GPHN: variants seen among roughly 807,000 people sequenced by gnomAD.
The protein encoded by GPHN is gephyrin.
In GPHN, 17 loss-of-function variants were observed where a neutral mutation model predicts 95.5. The ratio of observed to expected loss-of-function variants is 0.18; its 90% CI spans 0.12 to 0.27. The LOEUF (loss-of-function observed/expected upper bound fraction) is 0.27, where lower values mean the gene tolerates loss of function less well. Among genes scored for constraint, GPHN ranks in the 10% least tolerant of loss-of-function variants. The pLI is 1.00. For synonymous variants in GPHN, 320 were observed against 322.5 expected (o/e 0.99, Z 0.08); for missense variants, 660 against 978.1 (o/e 0.67, Z 4.34).
chr14:67,671,412 G>A, the GPHN span, among the ~76,000 whole-genome samples: 3 of 152,068 alleles, frequency 2.0e-5, no homozygotes, highest in Non-Finnish European at 2.9e-5. Context: ...TGTAATCCCA[G>A]CTACTCGGAA....
chr14:66,999,172 A>G (rs1567196972), intron 9 of GPHN, among the ~76,000 whole-genome samples: 1 of 151,958 alleles, frequency 6.6e-6, no homozygotes, highest in Non-Finnish European at 1.5e-5. Context: ...TGTGACTAGC[A>G]TGTAGTAGTC....
intron 17 of GPHN, among the ~76,000 whole-genome samples, chr14:67,132,869 G>T (rs2079809670): frequency 6.6e-6 from 1 of 150,602 alleles, no homozygotes; most frequent in Admixed American, 6.6e-5. Context: ...ATAAATATAT[G>T]ATATATATTT....
the GPHN span, among the ~76,000 whole-genome samples, chr14:67,197,712 T>A: frequency 6.6e-6 from 1 of 152,140 alleles, no homozygotes; most frequent in Non-Finnish European, 1.5e-5. Context: ...GATTGGAGAA[T>A]CCTGCATGAT....
At chr14:67,224,259 CTTTT>C in the GPHN span, among the ~76,000 whole-genome samples, 2 of 134,796 alleles carry the variant, frequency 1.5e-5, no homozygotes, top group Admixed American at 1.5e-4. Context: ...TCTCTCTTTT[CTTTT>C]TTTTTTTTTT....
chr14:66,643,203 A>C (rs1210651028), intron 1 of GPHN, among the ~76,000 whole-genome samples: 2 of 152,130 alleles, frequency 1.3e-5, no homozygotes, highest in Non-Finnish European at 2.9e-5. Flanking sequence ...AACCACAGCA[A>C]AATATTTCTA....
At chr14:67,412,134 C>T in the GPHN span, 1 of 1,281,560 alleles carries the variant, frequency 7.8e-7, no homozygotes, top group Non-Finnish European at 1.0e-6. Flanking sequence ...CCGCGCAGCC[C>T]GCGCAGTCCG....
intron 2 of GPHN, among the ~76,000 whole-genome samples, chr14:66,740,993 G>T (rs903992322): frequency 6.6e-6 from 1 of 152,170 alleles, no homozygotes; most frequent in Non-Finnish European, 1.5e-5. Flanking sequence ...GCATCTCATG[G>T]CAGAAGGAAG....
At chr14:66,868,354 T>C (rs77037144) in intron 4 of GPHN, among the ~76,000 whole-genome samples, 2,379 of 152,274 alleles carry the variant, frequency 0.016, 33 homozygotes, top group Non-Finnish European at 0.018. Context: ...TCACTATGCA[T>C]GTAAAGTATT....
At chr14:67,599,042 T>G in the GPHN span, among the ~76,000 whole-genome samples, 2 of 152,240 alleles carry the variant, frequency 1.3e-5, no homozygotes, top group East Asian at 1.9e-4. Flanking sequence ...AGTTAGATAG[T>G]TTCCTGCAAT....
intron 1 of GPHN, among the ~76,000 whole-genome samples, chr14:66,626,120 C>G (rs959526661): frequency 1.3e-5 from 2 of 152,114 alleles, no homozygotes; most frequent in African/African-American, 4.8e-5. Context: ...TGTTAACTTT[C>G]AATTAATACC....
chr14:67,006,922 T>C (rs926823086), intron 9 of GPHN, among the ~76,000 whole-genome samples: 4 of 152,208 alleles, frequency 2.6e-5, no homozygotes, highest in African/African-American at 9.6e-5. Context: ...AATTGTCTTA[T>C]TATACAATTT....
chr14:66,732,255 C>T (rs1343770721), intron 2 of GPHN, among the ~76,000 whole-genome samples: 1 of 152,214 alleles, frequency 6.6e-6, no homozygotes, highest in African/African-American at 2.4e-5. Flanking sequence ...ACAACCAGTA[C>T]CATGAGCCTA....
chr14:67,506,420 G>A, the GPHN span, among the ~76,000 whole-genome samples: 1 of 152,104 alleles, frequency 6.6e-6, no homozygotes, highest in Admixed American at 6.6e-5. Context: ...ACATTCCAAT[G>A]AGTCATGTTT....
the GPHN span, among the ~76,000 whole-genome samples, chr14:67,408,143 G>A: frequency 4.0e-5 from 6 of 151,680 alleles, no homozygotes; most frequent in Admixed American, 1.3e-4. Flanking sequence ...AAAATTAACC[G>A]GGCGTGGTGG....
At chr14:66,774,784 C>T (rs2059322395) in intron 2 of GPHN, among the ~76,000 whole-genome samples, 1 of 152,156 alleles carries the variant, frequency 6.6e-6, no homozygotes, top group African/African-American at 2.4e-5. Context: ...GTACCATTAA[C>T]ATGTATCCAC....
At chr14:67,111,534 A>G (rs2078370327) in intron 14 of GPHN, among the ~76,000 whole-genome samples, 1 of 152,198 alleles carries the variant, frequency 6.6e-6, no homozygotes, top group Admixed American at 6.5e-5. Flanking sequence ...CCACCTACAT[A>G]TGTATATAAA....
chr14:67,182,308 G>C (rs1389306005), downstream of GPHN, among the ~76,000 whole-genome samples: 1 of 152,116 alleles, frequency 6.6e-6, no homozygotes, highest in Non-Finnish European at 1.5e-5. Context: ...ATCCACAATG[G>C]ATCCTTTAAT....
At chr14:66,637,510 A>G (rs2064165796) in intron 1 of GPHN, among the ~76,000 whole-genome samples, 2 of 152,148 alleles carry the variant, frequency 1.3e-5, no homozygotes, top group South Asian at 2.1e-4. Flanking sequence ...TACCTGCTTT[A>G]TTAAGTCTAA....
At chr14:66,727,913 A>C (rs1413824158) in intron 2 of GPHN, among the ~76,000 whole-genome samples, 1 of 152,218 alleles carries the variant, frequency 6.6e-6, no homozygotes, top group Non-Finnish European at 1.5e-5. Context: ...TCACCAGGGC[A>C]TGTAGGAGGT....
Sources: gnomAD v4.1 joint callset for allele counts (sites outside exome capture counted in the v4.1 genomes callset) on GRCh38, gnomAD v4.1.1 for gene constraint, MANE v1.5 for transcripts, NCBI Gene and HGNC (gene_info 2026-07-23, HGNC 2026-07-21) for gene names.